The following ANKRD26 variants were observed in gnomAD, a reference collection of about 807,000 sequenced individuals.
The protein encoded by ANKRD26 is ankyrin repeat domain 26, also known as ankyrin repeat domain-containing protein 26.
Under a neutral mutation model 208.7 loss-of-function variants are expected in ANKRD26, and 141 were observed. The ratio of observed to expected loss-of-function variants is 0.68; its 90% CI spans 0.59 to 0.78. ANKRD26 has a LOEUF of 0.78. Ranked by LOEUF, ANKRD26 falls within the 30% of genes least tolerant of loss-of-function variation. ANKRD26 has a pLI of 0.00. For synonymous variants in ANKRD26, 636 were observed against 660.4 expected (o/e 0.96, Z 0.57); for missense variants, 1,889 against 1,938.7 (o/e 0.97, Z 0.48).
downstream of ANKRD26, among the ~76,000 whole-genome samples, chr10:26,972,062 C>G (rs7095961): frequency 1.3e-5 from 2 of 151,714 alleles, no homozygotes; most frequent in Non-Finnish European, 2.9e-5. Context: ...GGTGAAACCC[C>G]GTCTCTACTA....
chr10:27,026,257 C>A (rs1346697453), intron 27 of ANKRD26, among the ~76,000 whole-genome samples: 1 of 152,174 alleles, frequency 6.6e-6, no homozygotes, highest in Non-Finnish European at 1.5e-5. Context: ...ATTCCTAACT[C>A]ATTTCTATGG....
At chr10:26,953,017 C>G in the ANKRD26 span, among the ~76,000 whole-genome samples, 1 of 152,136 alleles carries the variant, frequency 6.6e-6, no homozygotes, top group Non-Finnish European at 1.5e-5. Flanking sequence ...GTTAGCTACC[C>G]TCGAAGACAT....
intron 9 of ANKRD26, among the ~76,000 whole-genome samples, chr10:27,074,880 G>A (rs887216916): frequency 6.6e-5 from 10 of 151,994 alleles, no homozygotes; most frequent in Admixed American, 6.6e-4. Context: ...ACTAACAGCA[G>A]ACTTCTCAGC....
At chr10:26,965,997 G>A in the ANKRD26 span, among the ~76,000 whole-genome samples, 1 of 152,272 alleles carries the variant, frequency 6.6e-6, no homozygotes, top group Non-Finnish European at 1.5e-5. Context: ...TGCTGGTGAG[G>A]CTGTGGAGAA....
chr10:27,089,785 T>C (rs955740028), intron 4 of ANKRD26, among the ~76,000 whole-genome samples: 85 of 152,110 alleles, frequency 5.6e-4, no homozygotes, highest in Admixed American at 2.5e-3. Context: ...AGTGAGACCC[T>C]GTCTCAGAAA....
chr10:26,962,699 G>C, the ANKRD26 span, among the ~76,000 whole-genome samples: 1 of 152,096 alleles, frequency 6.6e-6, no homozygotes, highest in Non-Finnish European at 1.5e-5. Context: ...AGTGAGCTGT[G>C]ATCATGCCAC....
At chr10:27,050,244 A>AAAAAAAAAAAAAAAG (rs2054605396) in intron 16 of ANKRD26, among the ~76,000 whole-genome samples, 1 of 134,288 alleles carries the variant, frequency 7.4e-6, no homozygotes, top group African/African-American at 3.7e-5. Context: ...AAAAAAAAAA[A>AAAAAAAAAAAAAAAG]AAAGAAAGAA....
intron 17 of ANKRD26, among the ~76,000 whole-genome samples, chr10:27,046,855 C>G (rs2054465547): frequency 6.6e-6 from 1 of 151,892 alleles, no homozygotes; most frequent in African/African-American, 2.4e-5. Context: ...AACACAAGGA[C>G]AGCTTTAAAA....
intron 5 of ANKRD26, among the ~76,000 whole-genome samples, chr10:27,086,114 C>T (rs890487354): frequency 9.2e-5 from 14 of 152,162 alleles, no homozygotes; most frequent in African/African-American, 2.4e-4. Context: ...CTAATATGCA[C>T]GTTGCTCAAG....
intron 1 of ANKRD26, among the ~76,000 whole-genome samples, chr10:27,097,453 CTCTG>C (rs1778586666): frequency 1.3e-5 from 2 of 152,038 alleles, no homozygotes; most frequent in African/African-American, 4.8e-5. Context: ...CAGAGGGAGA[CTCTG>C]TCTAAGAAAA....
chr10:27,093,943 C>A, intron 1 of ANKRD26, 144 bp from the exon 2 acceptor site: 1 of 727,102 alleles, frequency 1.4e-6, no homozygotes, highest in Non-Finnish European at 2.4e-6. Context: ...GTGTCCCCAA[C>A]CAAATCCCAA....
At chr10:26,963,664 C>T in the ANKRD26 span, among the ~76,000 whole-genome samples, 3 of 152,126 alleles carry the variant, frequency 2.0e-5, no homozygotes, top group African/African-American at 7.2e-5. Flanking sequence ...AATCCGCGGT[C>T]CCTGATATAA....
chr10:26,963,289 T>C, the ANKRD26 span, among the ~76,000 whole-genome samples: 1 of 152,188 alleles, frequency 6.6e-6, no homozygotes, highest in African/African-American at 2.4e-5. Flanking sequence ...TTACTTAACC[T>C]GAAAAACTCA....
chr10:27,066,245 CTTTT>C, intron 11 of ANKRD26: 1 of 276,452 alleles, frequency 3.6e-6, no homozygotes, highest in Non-Finnish European at 6.5e-6. Context: ...CTTTTCTTTT[CTTTT>C]TTTTTTTGCA....
chr10:27,046,285 T>A, intron 18 of ANKRD26, 68 bp downstream of exon 18: 1 of 1,479,634 alleles, frequency 6.8e-7, no homozygotes, highest in South Asian at 1.2e-5. Flanking sequence ...GACTACATCA[T>A]TCTATTTTCA....
chr10:27,067,698 G>A (rs1222695397), intron 9 of ANKRD26, among the ~76,000 whole-genome samples: 1 of 152,144 alleles, frequency 6.6e-6, no homozygotes, highest in Non-Finnish European at 1.5e-5. Flanking sequence ...AATGGGGATG[G>A]TGCTAAACCA....
rs1375509589 is a variant in ANKRD26, at chr10:27,063,977, A to G, written c.1363+11T>C. ...TCCAATGGCTTTTTAAAAATGAAAT[A>G]TAGCTCTTACCTTCTGCTTGTTCAT... On this transcript the variant is annotated intron_variant, in intron 12 of 33. Transcript: ENST00000376087. 6.3e-7 allele frequency: 1 copy of G among 1,591,412 alleles called. No individual in the cohort carries two copies. Among genetic ancestry groups the G allele is most frequent in the African/African-American group, 1.3e-5 (1 of 74,456 alleles).
chr10:27,026,404 T>C (rs2053658530), intron 27 of ANKRD26, among the ~76,000 whole-genome samples: 4 of 152,226 alleles, frequency 2.6e-5, no homozygotes. Context: ...ACACTCTCAT[T>C]CACAGGAGAC....
chr10:27,016,822 AT>A (rs1432232060), intron 30 of ANKRD26, among the ~76,000 whole-genome samples: 1 of 151,496 alleles, frequency 6.6e-6, no homozygotes, highest in African/African-American at 2.4e-5. Flanking sequence ...ATTATTGTGT[AT>A]TTTTTTCCTT....
Sources: allele counts gnomAD v4.1 joint callset (sites outside exome capture counted in the v4.1 genomes callset), GRCh38; gene constraint gnomAD v4.1.1; transcripts MANE v1.5; gene names NCBI Gene and HGNC (gene_info 2026-07-23, HGNC 2026-07-21).